Variants in CAMTA1 observed in about 807,000 individuals in gnomAD.
CAMTA1 encodes the protein calmodulin-binding transcription activator 1.
A neutral mutation model predicts 170.9 loss-of-function variants in CAMTA1; 27 were observed. That is an observed-to-expected ratio of 0.16 (90% CI 0.12 to 0.22). The LOEUF is 0.22. Ranked by LOEUF, CAMTA1 falls within the 10% of genes least tolerant of loss-of-function variation. The pLI, the probability that CAMTA1 is intolerant of heterozygous loss-of-function variation, is 1.00. For missense variants in CAMTA1, 1,619 were observed against 2,217.2 expected, an observed-to-expected ratio of 0.73 and a Z score of 5.42; for synonymous variants, 833 against 891.5, an observed-to-expected ratio of 0.93 and a Z score of 1.17.
rs569626758 is a variant in CAMTA1 at position 7,463,886 on chromosome 1, C to T, written c.439-3944C>T. 2.6e-5 allele frequency among the ~76,000 whole-genome samples: 4 copies of T among 152,308 alleles called. No homozygotes were observed. Among genetic ancestry groups the T allele is most frequent in the Admixed American group, 6.5e-5 (1 of 15,304 alleles). On this transcript the variant is annotated intron_variant, in intron 5 of 22. Coordinates refer to ENST00000303635, the MANE Select transcript of CAMTA1 (RefSeq NM_015215.4). The surrounding 1 kb of genome is among the most constrained non-coding windows in gnomAD (Gnocchi z 4.7). ...TCTGCGGCCATGCTCCCTTCAGAAA[C>T]GCCACTTTCTTTTTTGAGGCATTTA...
Position 7,585,725 on chromosome 1 carries a change from G to A in CAMTA1, c.511-54675G>A, listed in dbSNP as rs1485845218. ...GAGGGGAATGGCCAGGATGCGGGGT[G>A]CCCAGTTCATACATCCTAGAGGGGG... On this transcript the variant is annotated intron_variant, in intron 6 of 22. Transcript: ENST00000303635. The surrounding 1 kb of genome is among the most constrained non-coding windows in gnomAD (Gnocchi z 4.8). Among the ~76,000 whole-genome samples the A allele has an allele frequency of 1.3e-5, 2 of 150,922 alleles. No individual in the cohort carries two copies. Among genetic ancestry groups the A allele is most frequent in the African/African-American group, 5.0e-5 (2 of 40,296 alleles).
chr1:7,639,055 T>G (rs1434849386), intron 6 of CAMTA1, among the ~76,000 whole-genome samples: 1 of 152,194 alleles, frequency 6.6e-6, no homozygotes, highest in South Asian at 2.1e-4. Context: ...CTCGGCTCAC[T>G]GCAAGCTCTG....
chr1:7,691,131 G>T (rs1237464610), intron 11 of CAMTA1, among the ~76,000 whole-genome samples: 1 of 152,222 alleles, frequency 6.6e-6, no homozygotes, highest in Non-Finnish European at 1.5e-5. Context: ...ACTTCTCGAG[G>T]AGGTCTGGGA....
chr1:7,568,532 G>A (rs111161916), intron 6 of CAMTA1, among the ~76,000 whole-genome samples: 17,096 of 100,424 alleles, frequency 0.17, 4,171 homozygotes, highest in African/African-American at 0.54. Context: ...ACCATCATCA[G>A]CATCACCATC....
chr1:7,031,301 T>C (rs2101092041), intron 3 of CAMTA1, among the ~76,000 whole-genome samples: 1 of 152,310 alleles, frequency 6.6e-6, no homozygotes, highest in South Asian at 2.1e-4. Context: ...ACTAATTAAC[T>C]TCTCTATAAT....
chr1:7,311,892 G>GT (rs1463557295), intron 5 of CAMTA1, among the ~76,000 whole-genome samples: 2 of 152,162 alleles, frequency 1.3e-5, no homozygotes, highest in Non-Finnish European at 2.9e-5. Context: ...GGGTGTGGGT[G>GT]TAGGTTATCC....
intron 4 of CAMTA1, among the ~76,000 whole-genome samples, chr1:7,100,753 C>T (rs1285283587): frequency 6.6e-6 from 1 of 152,196 alleles, no homozygotes; most frequent in Non-Finnish European, 1.5e-5. Context: ...GGCACAGGGG[C>T]GTGGTGTGGC....
At chr1:7,298,966 T>G (rs562733932) in intron 5 of CAMTA1, among the ~76,000 whole-genome samples, 4 of 152,188 alleles carry the variant, frequency 2.6e-5, no homozygotes, top group African/African-American at 9.7e-5. Flanking sequence ...TTTCCTTTTG[T>G]AGCAATGAGC....
chr1:7,150,013 A>T (rs945347117), intron 4 of CAMTA1, among the ~76,000 whole-genome samples: 1 of 152,158 alleles, frequency 6.6e-6, no homozygotes, highest in Non-Finnish European at 1.5e-5. Context: ...CAAACAGGAA[A>T]ACTGAGCCTC....
At chr1:7,512,509 G>A (rs2094215572) in intron 6 of CAMTA1, among the ~76,000 whole-genome samples, 1 of 152,212 alleles carries the variant, frequency 6.6e-6, no homozygotes, top group Admixed American at 6.5e-5. Context: ...CAGATTCAGT[G>A]GCTGTGTCCA....
At chr1:7,218,382 G>A (rs867193477) in intron 4 of CAMTA1, among the ~76,000 whole-genome samples, 3 of 151,890 alleles carry the variant, frequency 2.0e-5, no homozygotes, top group South Asian at 4.2e-4. Flanking sequence ...CACTTACATC[G>A]CCACATTGAG....
intron 4 of CAMTA1, among the ~76,000 whole-genome samples, chr1:7,180,955 C>T (rs1249272835): frequency 6.6e-6 from 1 of 152,146 alleles, no homozygotes; most frequent in African/African-American, 2.4e-5. Flanking sequence ...AATGAAATTA[C>T]AGAACAATAT....
At chr1:6,805,519 T>A (rs771597950) in intron 1 of CAMTA1, among the ~76,000 whole-genome samples, 6 of 152,186 alleles carry the variant, frequency 3.9e-5, no homozygotes, top group Admixed American at 6.5e-5. Context: ...TCGCTTTTGT[T>A]TTTTGAGAGA....
chr1:6,996,950 CA>C (rs1697355359), intron 3 of CAMTA1, among the ~76,000 whole-genome samples: 1 of 152,152 alleles, frequency 6.6e-6, no homozygotes, highest in Non-Finnish European at 1.5e-5. Flanking sequence ...TCTAAGTGTT[CA>C]AAAATTTCCC....
intron 3 of CAMTA1, among the ~76,000 whole-genome samples, chr1:7,062,243 A>C (rs984124364): frequency 2.0e-5 from 3 of 152,140 alleles, no homozygotes; most frequent in African/African-American, 7.2e-5. Flanking sequence ...TAAAGTATAT[A>C]TATTGATTTA....
intron 1 of CAMTA1, among the ~76,000 whole-genome samples, chr1:6,798,584 A>AT (rs548325478): frequency 0.015 from 1,714 of 117,614 alleles, 94 homozygotes; most frequent in African/African-American, 0.026. Flanking sequence ...CACCTGGCTA[A>AT]TTTTTTTTTT....
intron 3 of CAMTA1, among the ~76,000 whole-genome samples, chr1:6,989,387 C>T (rs577762337): frequency 1.3e-5 from 2 of 152,168 alleles, no homozygotes; most frequent in South Asian, 2.1e-4. Context: ...CAGAGAGAGC[C>T]GTGGCCGCTC....
rs538159657 is a variant in CAMTA1 at position 6,926,541 on chromosome 1, T to TTTCC, written c.234+101347_234+101350dup. 1.1e-3 allele frequency among the ~76,000 whole-genome samples: 161 copies of TTTCC among 140,138 alleles called. 1 individual carries two copies. Among genetic ancestry groups the TTTCC allele is most frequent in the African/African-American group, 3.9e-3 (147 of 37,500 alleles). 91.9% of individuals were successfully genotyped at this position (140,138 alleles called of 152,430 possible). A position where few individuals can be genotyped will look rare whatever the true frequency, so the allele number is the denominator to read the frequency against. On this transcript the variant is annotated intron_variant, in intron 3 of 22. Coordinates refer to ENST00000303635, the MANE Select transcript of CAMTA1 (RefSeq NM_015215.4). ...CCTTCTTTCTTTCTCTCTCTCTTTC[T>TTTCC]TTCCTTCCTTCCTTCCTTCTTTCTC...
intron 4 of CAMTA1, among the ~76,000 whole-genome samples, chr1:7,122,972 G>T (rs563107701): frequency 6.6e-6 from 1 of 152,122 alleles, no homozygotes; most frequent in African/African-American, 2.4e-5. Context: ...TCACATTCCT[G>T]TCGAAGCCCT....
Sources: allele counts gnomAD v4.1 joint callset (sites outside exome capture counted in the v4.1 genomes callset), GRCh38; gene constraint gnomAD v4.1.1; non-coding constraint Gnocchi (gnomAD v3.1); transcripts MANE v1.5; gene names NCBI Gene and HGNC (gene_info 2026-07-23, HGNC 2026-07-21).